The following AGBL1 variants were observed in gnomAD, a reference collection of about 807,000 sequenced individuals.
The protein encoded by AGBL1 is cytosolic carboxypeptidase 4.
A neutral mutation model predicts 118.9 loss-of-function variants in AGBL1; 130 were observed. That is an observed-to-expected ratio of 1.09 (90% CI 0.95 to 1.26). AGBL1 has a LOEUF of 1.26. Ranked by LOEUF, AGBL1 falls within the 50% of genes most tolerant of loss-of-function variation. The pLI, the probability that AGBL1 is intolerant of heterozygous loss-of-function variation, is 0.00. For missense variants in AGBL1, 1,584 were observed against 1,298.1 expected (o/e 1.22, Z -3.38); for synonymous variants, 555 against 478.9 (o/e 1.16, Z -2.08).
intron 22 of AGBL1, among the ~76,000 whole-genome samples, chr15:86,690,506 C>CTGAA (rs2086145546): frequency 6.6e-6 from 1 of 152,182 alleles, no homozygotes; most frequent in Non-Finnish European, 1.5e-5. Flanking sequence ...GGCAAAAACG[C>CTGAA]TGAATTCTTC....
intron 23 of AGBL1, among the ~76,000 whole-genome samples, chr15:86,973,949 A>T (rs2081138641): frequency 7.0e-6 from 1 of 143,862 alleles, no homozygotes; most frequent in Non-Finnish European, 1.5e-5. Flanking sequence ...TATTTAATAT[A>T]TTAAATATAA....
intron 18 of AGBL1, among the ~76,000 whole-genome samples, chr15:86,402,032 CT>C (rs1428602695): frequency 6.6e-6 from 1 of 151,872 alleles, no homozygotes; most frequent in African/African-American, 2.4e-5. Flanking sequence ...CTGTAGACTG[CT>C]TTTGGCAGCA....
chr15:86,895,662 G>A (rs1368946150), intron 22 of AGBL1, among the ~76,000 whole-genome samples: 1 of 151,726 alleles, frequency 6.6e-6, no homozygotes, highest in Non-Finnish European at 1.5e-5. Context: ...TTTTGCTTTT[G>A]CAAATTAAGC....
At chr15:86,086,268 A>T (rs1344821000) in intron 1 of AGBL1, 2 of 152,330 alleles carry the variant, frequency 1.3e-5, no homozygotes, top group East Asian at 1.9e-4. Flanking sequence ...CAGTTGTGGA[A>T]CAGGCAGCTA....
chr15:86,430,520 G>A (rs2142037942), intron 18 of AGBL1, among the ~76,000 whole-genome samples: 1 of 151,204 alleles, frequency 6.6e-6, no homozygotes, highest in Middle Eastern at 3.4e-3. Context: ...GTGTGTGTGT[G>A]TAACTTTTGC....
intron 1 of AGBL1, chr15:86,107,650 A>T (rs781062252): frequency 6.6e-6 from 1 of 152,202 alleles, no homozygotes; most frequent in Non-Finnish European, 1.5e-5. Context: ...AGTGCAATTC[A>T]CCATCTAGAA....
chr15:86,439,781 T>A (rs1369935034), intron 18 of AGBL1, among the ~76,000 whole-genome samples: 1 of 152,138 alleles, frequency 6.6e-6, no homozygotes, highest in Non-Finnish European at 1.5e-5. Context: ...AAATTCCTCC[T>A]CTCTCCAACA....
chr15:86,289,113 T>A (rs76167546), intron 16 of AGBL1, among the ~76,000 whole-genome samples: 4,124 of 152,042 alleles, frequency 0.027, 68 homozygotes, highest in Middle Eastern at 0.078. Context: ...CTCATACACA[T>A]TTTTTTTCCT....
intron 22 of AGBL1, among the ~76,000 whole-genome samples, chr15:86,775,458 A>G (rs935136840): frequency 3.3e-5 from 5 of 152,144 alleles, no homozygotes; most frequent in South Asian, 2.1e-4. Flanking sequence ...TTGCAAATCT[A>G]TTGGTGCATC....
intron 17 of AGBL1, among the ~76,000 whole-genome samples, chr15:86,364,908 G>A (rs568961526): frequency 6.9e-6 from 1 of 145,930 alleles, no homozygotes; most frequent in African/African-American, 2.5e-5. Context: ...ATTACTTCTT[G>A]CATTAGTGTT....
At chr15:86,187,904 G>A (rs530799995) in intron 5 of AGBL1, among the ~76,000 whole-genome samples, 1 of 152,278 alleles carries the variant, frequency 6.6e-6, no homozygotes, top group South Asian at 2.1e-4. Context: ...TGCAACCTCA[G>A]GCATTCAGGG....
chr15:86,919,500 G>A (rs371917185), downstream of AGBL1, among the ~76,000 whole-genome samples: 21 of 151,930 alleles, frequency 1.4e-4, no homozygotes, highest in African/African-American at 4.4e-4. Context: ...AGCCCAGCAA[G>A]GGAGAATGAA....
At chr15:86,898,662 C>T (rs2080167455) in intron 22 of AGBL1, among the ~76,000 whole-genome samples, 1 of 151,990 alleles carries the variant, frequency 6.6e-6, no homozygotes, top group Admixed American at 6.6e-5. Flanking sequence ...TGACAATAGT[C>T]TAATATCCAG....
intron 22 of AGBL1, among the ~76,000 whole-genome samples, chr15:86,850,310 C>T (rs2079388871): frequency 6.6e-6 from 1 of 152,182 alleles, no homozygotes; most frequent in South Asian, 2.1e-4. Flanking sequence ...AGTGTCTGTA[C>T]ATGGCATGGA....
intron 23 of AGBL1, among the ~76,000 whole-genome samples, chr15:86,957,412 CAGAT>C (rs2080942010): frequency 6.6e-6 from 1 of 151,780 alleles, no homozygotes; most frequent in Non-Finnish European, 1.5e-5. Flanking sequence ...TCGTTTTTCT[CAGAT>C]AGAGGTATGT....
Position 86,284,676 on chromosome 15 carries a change from G to A in AGBL1, c.2220+4893G>A, listed in dbSNP as rs76898849. Among the ~76,000 whole-genome samples, 714 of 152,310 alleles carry A rather than the reference G, an allele frequency of 4.7e-3. 48 individuals are homozygous for A. In the East Asian group the frequency reaches 0.11, roughly 24 times the overall value. Reference sequence around the variant, plus strand: ...CTTCTAAATTAGGGGAACAGAGAGTGCAGCAGTTTAGGGGGTAACAATAGA... The same window carrying A: ...CTTCTAAATTAGGGGAACAGAGAGTACAGCAGTTTAGGGGGTAACAATAGA... On this transcript the variant is annotated intron_variant, in intron 16 of 22. Transcript: ENST00000614907.
chr15:86,149,434 T>C (rs1359100989), intron 3 of AGBL1, among the ~76,000 whole-genome samples: 1 of 152,018 alleles, frequency 6.6e-6, no homozygotes, highest in Non-Finnish European at 1.5e-5. Flanking sequence ...TGGAAGAAGA[T>C]CTACCAAGCA....
At chr15:86,298,286 C>CTATATATATATATATATATGGTAACTATA (rs71460469) in intron 17 of AGBL1, among the ~76,000 whole-genome samples, 1 of 63,092 alleles carries the variant, frequency 1.6e-5, no homozygotes, top group African/African-American at 5.9e-5. Flanking sequence ...TATATGGTAA[C>CTATATATATATATATATATGGTAACTATA]TATATATATA....
chr15:86,115,143 C>G (rs1189734880), intron 1 of AGBL1, among the ~76,000 whole-genome samples: 1 of 152,126 alleles, frequency 6.6e-6, no homozygotes, highest in African/African-American at 2.4e-5. Context: ...CTTTTGTTTT[C>G]CTAAAAATAT....
Sources: gnomAD v4.1 joint callset for allele counts (sites outside exome capture counted in the v4.1 genomes callset) on GRCh38, gnomAD v4.1.1 for gene constraint, MANE v1.5 for transcripts, NCBI Gene and HGNC (gene_info 2026-07-23, HGNC 2026-07-21) for gene names.